ARHGAP20: variants seen among roughly 807,000 people sequenced by gnomAD.
ARHGAP20 encodes Rho GTPase activating protein 20, also known as rho GTPase-activating protein 20.
In ARHGAP20, 34 loss-of-function variants were observed where a neutral mutation model predicts 73.7. That is an observed-to-expected ratio of 0.46 (90% confidence interval 0.35 to 0.61). The LOEUF is 0.61. Among genes scored for constraint, ARHGAP20 ranks in the 20% least tolerant of loss-of-function variants. The pLI is 0.00. For missense variants in ARHGAP20, 1,314 were observed against 1,420.9 expected (o/e 0.92, Z 1.21); for synonymous variants, 523 against 518.2 (o/e 1.01, Z -0.13).
At chr11:110,675,981 C>T (rs1166085072) in intron 2 of ARHGAP20, among the ~76,000 whole-genome samples, 5 of 152,162 alleles carry the variant, frequency 3.3e-5, no homozygotes, top group Non-Finnish European at 7.3e-5. Context: ...AGAGTGCCTG[C>T]CTCATGGTGA....
At chr11:110,624,128 C>T in intron 4 of ARHGAP20, 34 bp downstream of exon 4, 1 of 1,594,142 alleles carries the variant, frequency 6.3e-7, no homozygotes. Flanking sequence ...TAGTAGCTAA[C>T]CCAGGTAAAT....
At chr11:110,663,715 A>G (rs942127176) in intron 2 of ARHGAP20, among the ~76,000 whole-genome samples, 1 of 152,154 alleles carries the variant, frequency 6.6e-6, no homozygotes, top group African/African-American at 2.4e-5. Context: ...CTTCCAGAAA[A>G]TTTAAGGGGA....
intron 4 of ARHGAP20, among the ~76,000 whole-genome samples, chr11:110,619,608 T>C (rs1043245716): frequency 6.6e-6 from 1 of 151,366 alleles, no homozygotes. Context: ...GTGTATGCAG[T>C]GATAGAGTGT....
chr11:110,602,040 C>T (rs1380500924), intron 9 of ARHGAP20, among the ~76,000 whole-genome samples: 1 of 151,830 alleles, frequency 6.6e-6, no homozygotes, highest in Non-Finnish European at 1.5e-5. Flanking sequence ...TGACCATACT[C>T]ATTCACGTAA....
At chr11:110,645,285 C>T (rs1332350459) in intron 2 of ARHGAP20, among the ~76,000 whole-genome samples, 1 of 152,142 alleles carries the variant, frequency 6.6e-6, no homozygotes, top group African/African-American at 2.4e-5. Flanking sequence ...GCTGGGATTA[C>T]AGACATAAAC....
intron 1 of ARHGAP20, among the ~76,000 whole-genome samples, chr11:110,707,394 T>C (rs1238200004): frequency 6.6e-6 from 1 of 152,180 alleles, no homozygotes; most frequent in Non-Finnish European, 1.5e-5. Flanking sequence ...ATGCTTTATC[T>C]ATATGCTATT....
chr11:110,619,461 TGTATATGTAGTGATAGA>T (rs1948573121), intron 4 of ARHGAP20, among the ~76,000 whole-genome samples: 2 of 124,742 alleles, frequency 1.6e-5, no homozygotes, highest in African/African-American at 6.1e-5. Flanking sequence ...GTAGTGATAG[TGTATATGTAGTGATAGA>T]GTATATGCAG....
intron 3 of ARHGAP20, among the ~76,000 whole-genome samples, chr11:110,628,284 AAATT>A (rs938276198): frequency 3.9e-4 from 59 of 152,312 alleles, no homozygotes; most frequent in African/African-American, 1.4e-3. Flanking sequence ...TTATTTCAAC[AAATT>A]AATTGATCCA....
Position 110,577,357 on chromosome 11 carries a change from G to GAATT in ARHGAP20, c.*2009_*2012dup, listed in dbSNP as rs1171558248. ...AATATTAACAAACTATTCACATTAA[G>GAATT]AATTACAGGAGTATCTAAGGGAACA... On this transcript the variant is annotated 3_prime_UTR_variant, in exon 15 of 15. Coordinates refer to ENST00000683387, the MANE Select transcript of ARHGAP20 (RefSeq NM_001384657.1). The GAATT allele has an allele frequency of 4.1e-6, 5 of 1,219,492 alleles. No individual in the cohort carries two copies. Among genetic ancestry groups the GAATT allele is most frequent in the Non-Finnish European group, 4.1e-6 (4 of 979,520 alleles). 75.5% of individuals were successfully genotyped at this position (1,219,492 alleles called of 1,614,324 possible). A position where few individuals can be genotyped will look rare whatever the true frequency, so the allele number is the denominator to read the frequency against.
intron 2 of ARHGAP20, among the ~76,000 whole-genome samples, chr11:110,642,325 T>A (rs954733917): frequency 6.6e-6 from 1 of 152,128 alleles, no homozygotes; most frequent in Non-Finnish European, 1.5e-5. Flanking sequence ...CAGTACTATG[T>A]GGAATAAAAG....
chr11:110,658,644 G>A (rs1052227315), intron 2 of ARHGAP20, among the ~76,000 whole-genome samples: 2 of 152,112 alleles, frequency 1.3e-5, no homozygotes, highest in African/African-American at 4.8e-5. Flanking sequence ...ACAAGGTAGA[G>A]TTTAGCCCAG....
rs571461984 is a variant in ARHGAP20 at position 110,696,946 on chromosome 11, A to G, written c.106-6317T>C. On this transcript the variant is annotated intron_variant, in intron 1 of 14. Transcript: ENST00000683387. ...GCATAGTATTCCATGGTGTATTTAT[A>G]CCACATTTTATTTATTCAGTTAACT... is the stretch of plus-strand genomic sequence containing the variant. Among the ~76,000 whole-genome samples the G allele has an allele frequency of 2.0e-4, 30 of 151,814 alleles. No homozygotes were observed. In the South Asian group the frequency reaches 5.4e-3, roughly 27 times the overall value.
chr11:110,710,145 C>T (rs760621243), intron 1 of ARHGAP20, among the ~76,000 whole-genome samples: 3 of 152,164 alleles, frequency 2.0e-5, no homozygotes, highest in Non-Finnish European at 4.4e-5. Flanking sequence ...AGGGATGTTG[C>T]AAACAGTAAG....
intron 2 of ARHGAP20, among the ~76,000 whole-genome samples, chr11:110,639,006 TA>T (rs1010713004): frequency 1.3e-5 from 2 of 151,854 alleles, no homozygotes; most frequent in African/African-American, 2.4e-5. Context: ...ATAATAATAA[TA>T]AAAAAAGAAA....
At chr11:110,705,820 A>T (rs1428782553) in intron 1 of ARHGAP20, among the ~76,000 whole-genome samples, 1 of 152,168 alleles carries the variant, frequency 6.6e-6, no homozygotes. Flanking sequence ...TAACTCTGAA[A>T]TATACTCTTC....
chr11:110,667,501 A>T (rs2135058985), intron 2 of ARHGAP20, among the ~76,000 whole-genome samples: 1 of 152,332 alleles, frequency 6.6e-6, no homozygotes, highest in Middle Eastern at 3.4e-3. Context: ...TAATGCACCT[A>T]GTCACCCAAG....
rs1387791404 is a variant in ARHGAP20, at chr11:110,626,543, G to C, written c.354-2232C>G. Among the ~76,000 whole-genome samples, 3 of 152,218 alleles carry C rather than the reference G, an allele frequency of 2.0e-5. No homozygotes were observed. In the East Asian group the frequency reaches 5.8e-4, roughly 29 times the overall value. On this transcript the variant is annotated intron_variant, in intron 3 of 14. Transcript: ENST00000683387. ...AATGGAGTCGTAGAGAGGTTAACCT[G>C]CTAAAAGTCACACAGCTTAAGTAGC...
At chr11:110,586,445 C>CAGAAG in intron 11 of ARHGAP20, 120 bp from the exon 12 acceptor site, 1 of 471,064 alleles carries the variant, frequency 2.1e-6, no homozygotes, top group Non-Finnish European at 3.7e-6. Flanking sequence ...GTGAACTACA[C>CAGAAG]AGAGCTCTGC....
chr11:110,681,146 C>T (rs1375186972), intron 2 of ARHGAP20, among the ~76,000 whole-genome samples: 3 of 152,122 alleles, frequency 2.0e-5, no homozygotes, highest in Admixed American at 6.6e-5. Flanking sequence ...TTATGTAGAG[C>T]CAATTGGCAT....
Sources: gnomAD v4.1 joint callset for allele counts (sites outside exome capture counted in the v4.1 genomes callset) on GRCh38, gnomAD v4.1.1 for gene constraint, MANE v1.5 for transcripts, NCBI Gene and HGNC (gene_info 2026-07-23, HGNC 2026-07-21) for gene names.